The following TLL1 variants were observed in gnomAD, a reference collection of about 807,000 sequenced individuals.
The protein encoded by TLL1 is tolloid-like protein 1.
TLL1 carries 49 observed loss-of-function variants against 128.2 expected under a neutral mutation model. The observed-to-expected ratio is 0.38, with a 90% CI of 0.30 to 0.48. TLL1 has a LOEUF of 0.48. TLL1 is among the 20% of genes least tolerant of loss of function. The pLI is 0.96. For missense variants in TLL1, 1,123 were observed against 1,242.0 expected (o/e 0.90, Z 1.44); for synonymous variants, 454 against 418.8 (o/e 1.08, Z -1.03).
chr4:165,926,204 G>A (rs1396030538), intron 1 of TLL1, among the ~76,000 whole-genome samples: 1 of 152,140 alleles, frequency 6.6e-6, no homozygotes, highest in African/African-American at 2.4e-5. Flanking sequence ...GAAATTTCAG[G>A]AAGTATATAT....
At chr4:166,085,597 T>C (rs1020559200) in intron 18 of TLL1, among the ~76,000 whole-genome samples, 6 of 152,250 alleles carry the variant, frequency 3.9e-5, no homozygotes, top group Admixed American at 1.3e-4. Flanking sequence ...TCTGTGTATG[T>C]TGAACCATCC....
At chr4:165,982,210 G>T (rs1463565302) in intron 1 of TLL1, among the ~76,000 whole-genome samples, 1 of 151,848 alleles carries the variant, frequency 6.6e-6, no homozygotes, top group Non-Finnish European at 1.5e-5. Flanking sequence ...ATGTCAGGGA[G>T]GGTGCCTTAT....
chr4:165,874,073 G>A lies in TLL1; in HGVS notation c.169G>A (p.Ala57Thr). The change falls in exon 1 of 21, where the codon GCT becomes ACT. Residue 57 changes from alanine to threonine, a missense_variant and splice_region_variant. Physicochemically the swap from Ala to Thr is moderately conservative, Grantham distance 58. Transcript: ENST00000061240. ...TIDYKDPCKA[A>T]VFWGDIALDD... ...AGATTACAAGGACCCGTGTAAAGCC[G>A]GTAAGTGGCTCTCCAGGTTGGGACG... 6.2e-7 allele frequency: 1 copy of A among 1,614,088 alleles called. No individual in the cohort carries two copies. The highest frequency in any genetic ancestry group is 8.5e-7 in the Non-Finnish European group (1 of 1,179,998).
At chr4:165,874,721 T>G (rs958929534) in intron 1 of TLL1, among the ~76,000 whole-genome samples, 3 of 152,250 alleles carry the variant, frequency 2.0e-5, no homozygotes, top group African/African-American at 7.2e-5. Context: ...CAAATTTGTG[T>G]CTTCCTTCCA....
At chr4:166,081,097 T>C (rs1230898961) in intron 18 of TLL1, among the ~76,000 whole-genome samples, 1 of 152,186 alleles carries the variant, frequency 6.6e-6, no homozygotes, top group Non-Finnish European at 1.5e-5. Flanking sequence ...CTATATATCT[T>C]ATGAGTCTTC....
chr4:165,979,952 C>T (rs1199459906), intron 1 of TLL1, among the ~76,000 whole-genome samples: 1 of 152,196 alleles, frequency 6.6e-6, no homozygotes, highest in East Asian at 1.9e-4. Context: ...ACTGTATTAA[C>T]ATGGATAATG....
chr4:165,881,574 T>C (rs1202439666), intron 1 of TLL1, among the ~76,000 whole-genome samples: 2 of 152,142 alleles, frequency 1.3e-5, no homozygotes, highest in Non-Finnish European at 2.9e-5. Context: ...CCACGTACTG[T>C]ATTGTCAGAG....
chr4:165,887,992 A>G (rs1260822666), intron 1 of TLL1, among the ~76,000 whole-genome samples: 1 of 152,116 alleles, frequency 6.6e-6, no homozygotes, highest in Non-Finnish European at 1.5e-5. Flanking sequence ...TTATATTTTT[A>G]CTTTATTCCA....
chr4:165,954,334 T>A (rs1734675001), intron 1 of TLL1, among the ~76,000 whole-genome samples: 1 of 152,138 alleles, frequency 6.6e-6, no homozygotes, highest in Admixed American at 6.6e-5. Flanking sequence ...AATAAGTAGG[T>A]TCTCCAAAAT....
At chr4:165,940,369 A>G (rs887170740) in intron 1 of TLL1, among the ~76,000 whole-genome samples, 3 of 151,356 alleles carry the variant, frequency 2.0e-5, no homozygotes, top group African/African-American at 7.3e-5. Flanking sequence ...TCTCTTTCTA[A>G]TATGAGTTAT....
chr4:166,050,501 T>A (rs926892926), intron 12 of TLL1, among the ~76,000 whole-genome samples: 19 of 152,318 alleles, frequency 1.2e-4, no homozygotes, highest in African/African-American at 4.6e-4. Context: ...TATTTTTTAT[T>A]TTTTAGGGAG....
chr4:165,882,838 G>A (rs532420832), intron 1 of TLL1, among the ~76,000 whole-genome samples: 3 of 151,796 alleles, frequency 2.0e-5, no homozygotes, highest in East Asian at 4.0e-4. Context: ...GGCTGGTCTC[G>A]AACTCCCAAC....
At chr4:166,029,313 C>T (rs1307266361) in intron 9 of TLL1, among the ~76,000 whole-genome samples, 1 of 151,658 alleles carries the variant, frequency 6.6e-6, no homozygotes, top group African/African-American at 2.4e-5. Context: ...GATCTTATCC[C>T]AATTCAAAAA....
chr4:165,900,004 C>A (rs955607326), intron 1 of TLL1, among the ~76,000 whole-genome samples: 2 of 149,668 alleles, frequency 1.3e-5, no homozygotes, highest in South Asian at 4.2e-4. Flanking sequence ...TCTTTGTTGG[C>A]TTAAAGTCTG....
intron 1 of TLL1, among the ~76,000 whole-genome samples, chr4:165,961,589 C>A (rs1735107605): frequency 1.3e-5 from 2 of 152,114 alleles, no homozygotes; most frequent in African/African-American, 4.8e-5. Context: ...GCTACAGTAA[C>A]CAAAATAGCA....
intron 1 of TLL1, among the ~76,000 whole-genome samples, chr4:165,913,423 A>C (rs1170162588): frequency 6.6e-6 from 1 of 152,172 alleles, no homozygotes; most frequent in Non-Finnish European, 1.5e-5. Context: ...AATACGGTTT[A>C]ATTAGAAAGA....
At chr4:165,880,118 T>C (rs1351150294) in intron 1 of TLL1, among the ~76,000 whole-genome samples, 1 of 152,212 alleles carries the variant, frequency 6.6e-6, no homozygotes, top group Non-Finnish European at 1.5e-5. Context: ...ATAGATCGTG[T>C]TCTTTTCCAG....
intron 1 of TLL1, among the ~76,000 whole-genome samples, chr4:165,908,737 T>TA (rs1477708325): frequency 6.6e-6 from 1 of 151,704 alleles, no homozygotes; most frequent in Non-Finnish European, 1.5e-5. Context: ...TGGGAAGGGG[T>TA]AGGTCAAGCA....
At chr4:166,025,808 A>G (rs1452582096) in intron 9 of TLL1, among the ~76,000 whole-genome samples, 2 of 152,118 alleles carry the variant, frequency 1.3e-5, no homozygotes, top group African/African-American at 4.8e-5. Flanking sequence ...ATTTTCAACT[A>G]TAATATCAGA....
Sources: gnomAD v4.1 joint callset for allele counts (sites outside exome capture counted in the v4.1 genomes callset) on GRCh38, gnomAD v4.1.1 for gene constraint, MANE v1.5 for transcripts, NCBI Gene and HGNC (gene_info 2026-07-23, HGNC 2026-07-21) for gene names.